Variants in GULP1 observed in about 807,000 individuals in gnomAD.
The protein encoded by GULP1 is GULP PTB domain containing engulfment adaptor 1.
In GULP1, 19 loss-of-function variants were observed where a neutral mutation model predicts 40.9. The ratio of observed to expected loss-of-function variants is 0.46; its 90% CI spans 0.32 to 0.68. The LOEUF (loss-of-function observed/expected upper bound fraction) is 0.68. GULP1 is among the 30% of genes least tolerant of loss of function. The probability of loss-of-function intolerance (pLI) is 0.03; values close to 1 mark genes in which losing one functional copy is unlikely to be tolerated. For synonymous variants in GULP1, 119 were observed against 117.6 expected, an observed-to-expected ratio of 1.01 and a Z score of -0.08; for missense variants, 312 against 362.2, an observed-to-expected ratio of 0.86 and a Z score of 1.12.
At chr2:188,475,527 A>G (rs1223982997) in intron 2 of GULP1, among the ~76,000 whole-genome samples, 1 of 151,806 alleles carries the variant, frequency 6.6e-6, no homozygotes, top group Non-Finnish European at 1.5e-5. Flanking sequence ...TCCTTTTTTT[A>G]TATTTCACAA....
intron 1 of GULP1, among the ~76,000 whole-genome samples, chr2:188,360,760 T>A (rs1341106600): frequency 6.6e-6 from 1 of 152,142 alleles, no homozygotes; most frequent in East Asian, 1.9e-4. Context: ...CATGCTTATG[T>A]GAATACAGAG....
intron 1 of GULP1, among the ~76,000 whole-genome samples, chr2:188,346,969 CAA>C (rs111270430): frequency 1.5e-4 from 18 of 122,598 alleles, no homozygotes; most frequent in Middle Eastern, 4.3e-3. Context: ...GACTCCGTCT[CAA>C]AAAAAAAAAA....
intron 1 of GULP1, among the ~76,000 whole-genome samples, chr2:188,366,656 G>A (rs1409869536): frequency 4.2e-5 from 6 of 143,566 alleles, no homozygotes; most frequent in Non-Finnish European, 6.0e-5. Flanking sequence ...GCAGTGGCGC[G>A]ATCTCGGCTC....
chr2:188,387,206 A>T (rs780518310), intron 2 of GULP1, among the ~76,000 whole-genome samples: 2 of 152,184 alleles, frequency 1.3e-5, no homozygotes, highest in Admixed American at 1.3e-4. Context: ...ACTGCACTCC[A>T]GCCTGGGCAA....
intron 1 of GULP1, among the ~76,000 whole-genome samples, chr2:188,349,247 C>T (rs2044121973): frequency 6.6e-6 from 1 of 152,058 alleles, no homozygotes; most frequent in African/African-American, 2.4e-5. Context: ...CACAGTTTCT[C>T]TTGGGTATGA....
At chr2:188,477,795 TG>T (rs2061136138) in intron 3 of GULP1, 65 bp downstream of exon 3, 1 of 1,220,690 alleles carries the variant, frequency 8.2e-7, no homozygotes, top group African/African-American at 1.5e-5. Flanking sequence ...TAAGCAGCGA[TG>T]TTAAGAAATC....
At chr2:188,561,317 T>G (rs2153411512) in intron 7 of GULP1, among the ~76,000 whole-genome samples, 1 of 152,328 alleles carries the variant, frequency 6.6e-6, no homozygotes, top group Middle Eastern at 3.4e-3. Context: ...GGACAAGTTC[T>G]TGGTCCCCTA....
chr2:188,587,985 A>G (rs200599522), intron 11 of GULP1, 36 bp downstream of exon 11: 155 of 1,030,196 alleles, frequency 1.5e-4, no homozygotes, highest in Middle Eastern at 2.0e-4. Flanking sequence ...TAAATGATTT[A>G]TTTCATTTTG....
At chr2:188,494,567 A>T (rs1259565949) in intron 4 of GULP1, among the ~76,000 whole-genome samples, 1 of 152,032 alleles carries the variant, frequency 6.6e-6, no homozygotes, top group Non-Finnish European at 1.5e-5. Context: ...TCTGTCTCAC[A>T]CACAGACCCG....
chr2:188,453,219 A>G (rs191401232), intron 2 of GULP1, among the ~76,000 whole-genome samples: 242 of 152,332 alleles, frequency 1.6e-3, no homozygotes, highest in Non-Finnish European at 2.2e-3. Flanking sequence ...TTAATTTACA[A>G]TTCTTCTAAT....
At position 188,312,570 on chromosome 2, in the gene GULP1, A is replaced by G. The variant is rs992172297; in HGVS notation, c.-172+20404A>G. Reference sequence around the variant, plus strand: ...CATTGATGGGCATTTGGTTGGTTCCATGTCTTTGCTGTTGTAAATAGTGCT... The same window carrying G: ...CATTGATGGGCATTTGGTTGGTTCCGTGTCTTTGCTGTTGTAAATAGTGCT... On this transcript the variant is annotated intron_variant, in intron 1 of 11. Transcript: ENST00000409830. Among the ~76,000 whole-genome samples the G allele has an allele frequency of 1.3e-5, 2 of 152,144 alleles. 1 individual carries two copies. The highest frequency in any genetic ancestry group is 1.3e-4 in the Admixed American group (2 of 15,270).
intron 4 of GULP1, among the ~76,000 whole-genome samples, chr2:188,500,704 C>T (rs1258110340): frequency 6.6e-6 from 1 of 151,878 alleles, no homozygotes; most frequent in South Asian, 2.1e-4. Context: ...TTTTGAATGT[C>T]CATCTATGAT....
intron 1 of GULP1, among the ~76,000 whole-genome samples, chr2:188,315,049 GA>G (rs1045602567): frequency 2.0e-5 from 3 of 152,030 alleles, no homozygotes; most frequent in Admixed American, 2.0e-4. Flanking sequence ...AATAAGCCTT[GA>G]AATGCTTACT....
At chr2:188,315,672 C>T (rs2038955848) in intron 1 of GULP1, among the ~76,000 whole-genome samples, 1 of 152,058 alleles carries the variant, frequency 6.6e-6, no homozygotes, top group Non-Finnish European at 1.5e-5. Context: ...ATGCCTGAAA[C>T]CACAGATAGT....
At chr2:188,519,171 A>G (rs993599577) in intron 4 of GULP1, among the ~76,000 whole-genome samples, 1 of 152,162 alleles carries the variant, frequency 6.6e-6, no homozygotes, top group African/African-American at 2.4e-5. Flanking sequence ...ATATTAAGAT[A>G]TATTTTAATT....
At chr2:188,513,073 G>T (rs1575699925) in intron 4 of GULP1, among the ~76,000 whole-genome samples, 1 of 152,098 alleles carries the variant, frequency 6.6e-6, no homozygotes, top group Admixed American at 6.5e-5. Flanking sequence ...AATACATTGA[G>T]TGGAGAGATA....
At chr2:188,371,003 A>G (rs2047533065) in intron 1 of GULP1, among the ~76,000 whole-genome samples, 2 of 152,142 alleles carry the variant, frequency 1.3e-5, no homozygotes, top group South Asian at 2.1e-4. Flanking sequence ...TTGAGCATTT[A>G]CTATTTCCCA....
At chr2:188,483,374 G>A (rs2061586574) in intron 3 of GULP1, 57 bp from the exon 4 acceptor site, 2 of 781,978 alleles carry the variant, frequency 2.6e-6, no homozygotes, top group African/African-American at 1.7e-5. Flanking sequence ...AAATGGTAAT[G>A]CGTGAATATG....
At chr2:188,317,928 C>T (rs2039367449) in intron 1 of GULP1, among the ~76,000 whole-genome samples, 1 of 151,830 alleles carries the variant, frequency 6.6e-6, no homozygotes, top group Admixed American at 6.6e-5. Context: ...TTTTCTTTTC[C>T]AGTTTTTCAT....
Sources: allele counts gnomAD v4.1 joint callset (sites outside exome capture counted in the v4.1 genomes callset), GRCh38; gene constraint gnomAD v4.1.1; transcripts MANE v1.5; gene names NCBI Gene and HGNC (gene_info 2026-07-23, HGNC 2026-07-21).